APBA1: variants seen among roughly 807,000 people sequenced by gnomAD.
The protein encoded by APBA1 is amyloid beta precursor protein binding family A member 1.
In APBA1, 55 loss-of-function variants were observed where a neutral mutation model predicts 86.6. That is an observed-to-expected ratio of 0.64 (90% CI 0.51 to 0.80). The LOEUF (loss-of-function observed/expected upper bound fraction) is 0.80. Among genes scored for constraint, APBA1 ranks in the 30% least tolerant of loss-of-function variants. The pLI, the probability that APBA1 is intolerant of heterozygous loss-of-function variation, is 0.00. For synonymous variants in APBA1, 511 were observed against 493.9 expected (o/e 1.03, Z -0.46); for missense variants, 1,090 against 1,183.0 (o/e 0.92, Z 1.15).
intron 1 of APBA1, among the ~76,000 whole-genome samples, chr9:69,613,077 A>T (rs965321903): frequency 2.0e-5 from 3 of 152,150 alleles, no homozygotes; most frequent in Non-Finnish European, 4.4e-5. Context: ...TTTGTGAAGG[A>T]TGAATTTATG....
intron 1 of APBA1, among the ~76,000 whole-genome samples, chr9:69,665,073 A>G (rs1327636308): frequency 6.6e-6 from 1 of 152,008 alleles, no homozygotes; most frequent in Non-Finnish European, 1.5e-5. Context: ...TCTGCTCAAG[A>G]GCTTTCTTTG....
In APBA1 at chr9:69,538,184, A is replaced by AT. The variant is rs58627533; in HGVS notation, c.-69-20906dup. The stretch of plus-strand genomic sequence containing the variant: ...ATCCATGTTTCATCTGGCCACTTGC[A>AT]TGGGCAGGAAATTCTAAAATCAATT... On this transcript the variant is annotated intron_variant, in intron 1 of 12. Transcript: ENST00000265381. Among the ~76,000 whole-genome samples the AT allele has an allele frequency of 6.5e-3, 983 of 152,366 alleles. 6 individuals are homozygous for AT. Among genetic ancestry groups the AT allele is most frequent in the African/African-American group, 0.022 (918 of 41,582 alleles).
chr9:69,522,796 T>C (rs568200782), intron 1 of APBA1, among the ~76,000 whole-genome samples: 2 of 152,278 alleles, frequency 1.3e-5, no homozygotes, highest in Non-Finnish European at 2.9e-5. Flanking sequence ...CTAATAAATG[T>C]CCTTGATGAT....
rs372713077 is a variant in APBA1 at position 69,615,921 on chromosome 9, C to T, written c.-70+56232G>A. ...GCTCAATACCATAAACAGAGACATTCGGACTGCAAACCAGGACAAGAAATT... is the reference window on the plus strand; with the variant it reads ...GCTCAATACCATAAACAGAGACATTTGGACTGCAAACCAGGACAAGAAATT... On this transcript the variant is annotated intron_variant, in intron 1 of 12. Transcript: ENST00000265381. Among the ~76,000 whole-genome samples the T allele has an allele frequency of 3.9e-5, 6 of 152,312 alleles. No homozygotes were observed. The South Asian group carries it at 8.3e-4, about 21-fold the overall frequency.
chr9:69,524,539 T>C (rs1473290618), intron 1 of APBA1, among the ~76,000 whole-genome samples: 5 of 151,152 alleles, frequency 3.3e-5, no homozygotes, highest in African/African-American at 1.2e-4. Flanking sequence ...AGAAAGAAAT[T>C]GAAACCTTGA....
intron 1 of APBA1, among the ~76,000 whole-genome samples, chr9:69,565,590 T>C (rs1353360465): frequency 6.6e-6 from 1 of 152,098 alleles, no homozygotes; most frequent in African/African-American, 2.4e-5. Flanking sequence ...TCTTCCACAT[T>C]ATATTATTTA....
chr9:69,565,126 A>G (rs1837004945), intron 1 of APBA1, among the ~76,000 whole-genome samples: 1 of 152,220 alleles, frequency 6.6e-6, no homozygotes, highest in Admixed American at 6.5e-5. Context: ...AGTAAGAGGC[A>G]GAAAACAAGA....
intron 1 of APBA1, among the ~76,000 whole-genome samples, chr9:69,637,298 T>C (rs1420073045): frequency 6.6e-6 from 1 of 152,186 alleles, no homozygotes; most frequent in Non-Finnish European, 1.5e-5. Context: ...AGATCTAGTG[T>C]TTGATAGTAC....
chr9:69,630,463 G>A (rs529278735), intron 1 of APBA1, among the ~76,000 whole-genome samples: 7 of 152,118 alleles, frequency 4.6e-5, no homozygotes, highest in Non-Finnish European at 8.8e-5. Context: ...CCTCCTGGTC[G>A]CCACTGAATA....
chr9:69,450,051 C>T (rs1196992129), intron 9 of APBA1, among the ~76,000 whole-genome samples: 1 of 144,650 alleles, frequency 6.9e-6, no homozygotes, highest in African/African-American at 2.7e-5. Flanking sequence ...CCATGAGGAC[C>T]ACCAGTTTTT....
intron 1 of APBA1, among the ~76,000 whole-genome samples, chr9:69,555,568 T>C (rs1836848262): frequency 6.6e-6 from 1 of 152,238 alleles, no homozygotes; most frequent in African/African-American, 2.4e-5. Context: ...TCTATCCTTC[T>C]ATACTGGCAT....
At chr9:69,658,344 T>TTCTG (rs1823680040) in intron 1 of APBA1, among the ~76,000 whole-genome samples, 1 of 142,890 alleles carries the variant, frequency 7.0e-6, no homozygotes, top group Non-Finnish European at 1.5e-5. Context: ...CTTTCTTTCT[T>TTCTG]TCTTTCTTTC....
At chr9:69,446,143 G>C (rs542735907) in intron 10 of APBA1, among the ~76,000 whole-genome samples, 9 of 152,036 alleles carry the variant, frequency 5.9e-5, no homozygotes, top group African/African-American at 1.9e-4. Flanking sequence ...CTGTCCAGGT[G>C]CAGGCAAAAA....
At chr9:69,595,241 A>T (rs891582713) in intron 1 of APBA1, among the ~76,000 whole-genome samples, 1 of 152,188 alleles carries the variant, frequency 6.6e-6, no homozygotes, top group Non-Finnish European at 1.5e-5. Flanking sequence ...AGCAGTCAAT[A>T]AGTCAAAGAA....
chr9:69,467,581 A>T (rs1835298708), intron 5 of APBA1, among the ~76,000 whole-genome samples: 1 of 152,216 alleles, frequency 6.6e-6, no homozygotes, highest in African/African-American at 2.4e-5. Context: ...TGTGATCATG[A>T]GCACTTCTTC....
intron 1 of APBA1, among the ~76,000 whole-genome samples, chr9:69,579,009 C>T (rs930751826): frequency 7.9e-5 from 12 of 152,144 alleles, no homozygotes; most frequent in Non-Finnish European, 1.3e-4. Context: ...TTAGTGAATG[C>T]AGTTCCAGCA....
intron 1 of APBA1, among the ~76,000 whole-genome samples, chr9:69,521,175 G>A (rs1836245616): frequency 1.3e-5 from 2 of 152,138 alleles, no homozygotes; most frequent in African/African-American, 4.8e-5. Flanking sequence ...TGGTAAGGGA[G>A]GCCCCCTGAC....
At chr9:69,655,196 G>A (rs1386646314) in intron 1 of APBA1, among the ~76,000 whole-genome samples, 1 of 152,138 alleles carries the variant, frequency 6.6e-6, no homozygotes, top group Non-Finnish European at 1.5e-5. Context: ...ACATCATGCT[G>A]GAAGTCCTAG....
intron 8 of APBA1, 100 bp downstream of exon 8, chr9:69,456,147 C>CAAAAA (rs577877414): frequency 6.9e-6 from 9 of 1,300,734 alleles, no homozygotes; most frequent in South Asian, 6.2e-5. Context: ...AGTACGTGCA[C>CAAAAA]AATAAATACA....
Sources: gnomAD v4.1 joint callset for allele counts (sites outside exome capture counted in the v4.1 genomes callset) on GRCh38, gnomAD v4.1.1 for gene constraint, MANE v1.5 for transcripts, NCBI Gene and HGNC (gene_info 2026-07-23, HGNC 2026-07-21) for gene names.